The following CNTN1 variants were observed in gnomAD, a reference collection of about 807,000 sequenced individuals.
CNTN1 encodes contactin-1.
In CNTN1, 38 loss-of-function variants were observed where a neutral mutation model predicts 126.4. The observed-to-expected ratio is 0.30, with a 90% CI of 0.23 to 0.39. The LOEUF (loss-of-function observed/expected upper bound fraction) is 0.39, where lower values mean the gene tolerates loss of function less well. CNTN1 is among the 10% of genes least tolerant of loss of function. The pLI, the probability that CNTN1 is intolerant of heterozygous loss-of-function variation, is 1.00. For synonymous variants in CNTN1, 413 were observed against 422.6 expected (o/e 0.98, Z 0.28); for missense variants, 1,009 against 1,248.4 (o/e 0.81, Z 2.89).
At chr12:40,855,423 A>G (rs563724931) in intron 1 of CNTN1, among the ~76,000 whole-genome samples, 52 of 151,498 alleles carry the variant, frequency 3.4e-4, no homozygotes, top group African/African-American at 1.2e-3. Context: ...CTCTTGCACA[A>G]CTCTAAAAAT....
chr12:41,009,736 G>T lies in CNTN1; in HGVS notation c.2114-4492G>T, dbSNP rs150861097. The stretch of plus-strand genomic sequence containing the variant: ...GGCTTCTAGCCCTTTCCTAGCCTCT[G>T]GCTTCAGTGGATATTGTTTCTGGTT... On this transcript the variant is annotated intron_variant, in intron 17 of 23. Coordinates refer to ENST00000551295, the MANE Select transcript of CNTN1 (RefSeq NM_001843.4). Among the ~76,000 whole-genome samples the T allele has an allele frequency of 4.6e-5, 7 of 152,292 alleles. No homozygotes were observed. The East Asian group carries it at 1.4e-3, about 29-fold the overall frequency.
In CNTN1 at chr12:40,981,025, A is replaced by T. The variant is rs1555193694; in HGVS notation, c.1921A>T (p.Thr641Ser). The change falls in exon 16 of 24, where the codon ACC (threonine) becomes TCC (serine). Residue 641 changes from threonine to serine, a missense_variant. By Grantham distance (58) the Thr-to-Ser change is moderately conservative. Coordinates refer to ENST00000551295, the MANE Select transcript of CNTN1 (RefSeq NM_001843.4). ...HSPISKYTIQ[T>S]KTILSDDWKD... ...TCCTATTTCTAAATACACTATCCAG[A>T]CCAAGACTATTCTTTCAGATGACTG... is the stretch of plus-strand genomic sequence containing the variant. The T allele has an allele frequency of 1.2e-6, 2 of 1,613,508 alleles. No homozygotes were observed. Among genetic ancestry groups the T allele is most frequent in the Non-Finnish European group, 1.7e-6 (2 of 1,179,776 alleles).
chr12:40,835,710 A>AT (rs998640812), intron 1 of CNTN1, among the ~76,000 whole-genome samples: 3 of 151,232 alleles, frequency 2.0e-5, no homozygotes, highest in Non-Finnish European at 4.4e-5. Context: ...TTTCAAGTGA[A>AT]TTTTTTTTAG....
intron 20 of CNTN1, among the ~76,000 whole-genome samples, chr12:41,023,850 G>A (rs1193948466): frequency 1.3e-5 from 2 of 152,154 alleles, no homozygotes; most frequent in African/African-American, 2.4e-5. Context: ...GTGGAGAAAG[G>A]TTGTTTATTA....
At chr12:41,061,857 A>G (rs1225590270) in intron 23 of CNTN1, 1 of 455,346 alleles carries the variant, frequency 2.2e-6, no homozygotes, top group Non-Finnish European at 4.4e-6. Flanking sequence ...TGCTAAAGTT[A>G]TATAACTAGC....
intron 1 of CNTN1, among the ~76,000 whole-genome samples, chr12:40,868,612 A>T (rs959354158): frequency 6.6e-6 from 1 of 151,874 alleles, no homozygotes; most frequent in Non-Finnish European, 1.5e-5. Context: ...AACTACTTTC[A>T]CCTCCTTAAA....
intron 1 of CNTN1, among the ~76,000 whole-genome samples, chr12:40,741,806 AACT>A (rs1937954593): frequency 6.6e-6 from 1 of 152,090 alleles, no homozygotes; most frequent in Admixed American, 6.6e-5. Context: ...TACAAATAAC[AACT>A]ATTATTAGAT....
At chr12:40,974,427 C>T (rs995781046) in intron 15 of CNTN1, among the ~76,000 whole-genome samples, 12 of 151,388 alleles carry the variant, frequency 7.9e-5, no homozygotes, top group African/African-American at 2.9e-4. Flanking sequence ...CGTGGTGAAA[C>T]CTCATCTCCA....
intron 1 of CNTN1, among the ~76,000 whole-genome samples, chr12:40,701,289 T>C (rs1172453185): frequency 6.6e-6 from 1 of 152,214 alleles, no homozygotes; most frequent in African/African-American, 2.4e-5. Context: ...ATTGGACCAT[T>C]ACAATGTGTC....
Position 40,918,734 on chromosome 12 carries a change from AACTGTAGGGC to A in CNTN1, c.193_202del (p.Cys65GlufsTer12). 1 of 1,613,814 alleles carries A rather than the reference AACTGTAGGGC, an allele frequency of 6.2e-7. No homozygotes were observed. Among genetic ancestry groups the A allele is most frequent in the Non-Finnish European group, 8.5e-7 (1 of 1,179,744 alleles). Reference sequence around the variant, plus strand: ...ATCACTGGAAGGAAAAGTCTCACTCAACTGTAGGGCACGAGCCAGCCCTTTCCCGGTTTAC... The same window carrying A: ...ATCACTGGAAGGAAAAGTCTCACTCAACGAGCCAGCCCTTTCCCGGTTTAC... On this transcript the variant is annotated frameshift_variant, in exon 4 of 24. Coordinates refer to ENST00000551295, the MANE Select transcript of CNTN1 (RefSeq NM_001843.4). LOFTEE classifies it high-confidence loss of function.
At chr12:41,031,234 A>C (rs1006177505) in intron 23 of CNTN1, among the ~76,000 whole-genome samples, 16 of 152,214 alleles carry the variant, frequency 1.1e-4, no homozygotes, top group African/African-American at 3.9e-4. Context: ...GGGATAGGGG[A>C]AAGCCCTGTT....
At chr12:40,976,454 T>A (rs1423841572) in intron 15 of CNTN1, among the ~76,000 whole-genome samples, 2 of 151,514 alleles carry the variant, frequency 1.3e-5, no homozygotes, top group East Asian at 3.9e-4. Flanking sequence ...AATAGTGAAA[T>A]AAGCTGCATG....
chr12:40,833,236 A>G (rs1941924080), intron 1 of CNTN1, among the ~76,000 whole-genome samples: 1 of 152,112 alleles, frequency 6.6e-6, no homozygotes, highest in African/African-American at 2.4e-5. Flanking sequence ...CTGGGATTAC[A>G]GGCATGTGCC....
chr12:40,933,688 T>C lies in CNTN1; in HGVS notation c.804-9T>C. 3 of 1,612,132 alleles carry C rather than the reference T, an allele frequency of 1.9e-6. No homozygotes were observed. Among genetic ancestry groups the C allele is most frequent in the African/African-American group, 2.7e-5 (2 of 74,962 alleles). ...GTGAAACTTTAACCCTTGTATCTTCTATTTAAAGTCCTGTTCCGGATATCC... is the reference window on the plus strand; with the variant it reads ...GTGAAACTTTAACCCTTGTATCTTCCATTTAAAGTCCTGTTCCGGATATCC... On this transcript the variant is annotated splice_polypyrimidine_tract_variant and intron_variant, in intron 8 of 23. Transcript: ENST00000551295.
At position 41,014,265 on chromosome 12, in the gene CNTN1, T is replaced by C. The variant is rs745604726; in HGVS notation, c.2151T>C (p.Gly717=). 7.4e-6 allele frequency: 12 copies of C among 1,613,760 alleles called. No individual in the cohort carries two copies. The South Asian group carries it at 1.3e-4, about 18-fold the overall frequency. Residue 717 remains glycine, a synonymous_variant, in exon 18 of 24, where the codon GGT becomes GGC. Transcript: ENST00000551295. The part of the protein sequence containing the change: ...NVAPSDVGGG[G]GRNRELTITW... ...CTCCTTCAGATGTAGGAGGTGGAGG[T>C]GGAAGAAACAGAGAGCTGACCATAA...
At position 40,837,372 on chromosome 12, in the gene CNTN1, T is replaced by TAGG. The variant is rs1470205079; in HGVS notation, c.-76-70985_-76-70984insAGG. Among the ~76,000 whole-genome samples, 6 of 152,260 alleles carry TAGG rather than the reference T, an allele frequency of 3.9e-5. No homozygotes were observed. The East Asian group carries it at 1.2e-3, about 29-fold the overall frequency. ...GAATCAGCTGGAAGCTGGGAGTGAC[T>TAGG]TCCCAGCCCAGGGATTAGGTGAGCA... On this transcript the variant is annotated intron_variant, in intron 1 of 23. Coordinates refer to ENST00000551295, the MANE Select transcript of CNTN1 (RefSeq NM_001843.4).
Position 40,925,604 on chromosome 12 carries a change from T to A in CNTN1, c.496+952T>A, listed in dbSNP as rs577267504. ...GTATATATACATGTATATATATATA[T>A]ACGTGTATATATATATATACACATA... On this transcript the variant is annotated intron_variant, in intron 6 of 23. Coordinates refer to ENST00000551295, the MANE Select transcript of CNTN1 (RefSeq NM_001843.4). Among the ~76,000 whole-genome samples the A allele has an allele frequency of 2.1e-5, 3 of 144,696 alleles. No individual in the cohort carries two copies. The South Asian group carries it at 6.4e-4, about 31-fold the overall frequency. 94.9% of individuals were successfully genotyped at this position (144,696 alleles called of 152,430 possible).
intron 15 of CNTN1, among the ~76,000 whole-genome samples, chr12:40,967,992 A>G (rs1418801027): frequency 6.6e-6 from 1 of 150,728 alleles, no homozygotes. Context: ...TCATAAAATG[A>G]TATATAACAT....
intron 1 of CNTN1, among the ~76,000 whole-genome samples, chr12:40,877,433 A>C (rs557404330): frequency 6.6e-6 from 1 of 152,330 alleles, no homozygotes; most frequent in South Asian, 2.1e-4. Flanking sequence ...ATCTAGATGA[A>C]TATTCATATA....
Sources: allele counts gnomAD v4.1 joint callset (sites outside exome capture counted in the v4.1 genomes callset), GRCh38; gene constraint gnomAD v4.1.1; transcripts MANE v1.5; gene names NCBI Gene and HGNC (gene_info 2026-07-23, HGNC 2026-07-21).